Variants in EXTL3 observed in about 807,000 individuals in gnomAD.
EXTL3 encodes the protein exostosin-like 3.
In EXTL3, 27 loss-of-function variants were observed where a neutral mutation model predicts 69.3. The ratio of observed to expected loss-of-function variants is 0.39; its 90% CI spans 0.29 to 0.54. The LOEUF is 0.54. Ranked by LOEUF, EXTL3 falls within the 20% of genes least tolerant of loss-of-function variation. The probability of loss-of-function intolerance (pLI) is 0.69; values close to 1 mark genes in which losing one functional copy is unlikely to be tolerated. For missense variants in EXTL3, 1,003 were observed against 1,231.8 expected (o/e 0.81, Z 2.78); for synonymous variants, 511 against 499.4 (o/e 1.02, Z -0.31).
At position 28,748,328 on chromosome 8, in the gene EXTL3, C is replaced by T. The variant is rs184329629; in HGVS notation, c.2551-2329C>T. The stretch of plus-strand genomic sequence containing the variant: ...GGAGTTCGTAGTGAGCCGAGATCAC[C>T]GCACTGCACTCCAGCCTGGGAGACA... On this transcript the variant is annotated intron_variant, in intron 6 of 6. Transcript: ENST00000220562. Among the ~76,000 whole-genome samples, 114 of 150,958 alleles carry T rather than the reference C, an allele frequency of 7.6e-4. 1 individual carries two copies. The highest frequency in any genetic ancestry group is 2.4e-3 in the African/African-American group (97 of 41,090).
At chr8:28,619,500 C>CTA (rs1806378494), upstream of EXTL3, among the ~76,000 whole-genome samples, 1 of 152,028 alleles carries the variant, frequency 6.6e-6, no homozygotes, top group African/African-American at 2.4e-5. Flanking sequence ...ACCCCTGCTG[C>CTA]TCCTCCCTGG....
upstream of EXTL3, among the ~76,000 whole-genome samples, chr8:28,621,061 G>T (rs946119008): frequency 1.3e-5 from 2 of 152,124 alleles, no homozygotes; most frequent in Non-Finnish European, 2.9e-5. Context: ...TGTTAATTAT[G>T]ATTGTTTTTG....
At chr8:28,722,877 C>CT (rs1206699052) in intron 3 of EXTL3, among the ~76,000 whole-genome samples, 2 of 150,458 alleles carry the variant, frequency 1.3e-5, no homozygotes, top group Non-Finnish European at 3.0e-5. Context: ...AGGGAGAGTT[C>CT]TTTTTTTGGG....
rs867455954 is a variant in EXTL3 at position 28,649,042 on chromosome 8, G to A, written c.-53+26232G>A. ...TGAGTAGCTGGGATTACAGATGCCCGCCACCGCTCCCAGCTAAGGTTTTTT... is the reference window on the plus strand; with the variant it reads ...TGAGTAGCTGGGATTACAGATGCCCACCACCGCTCCCAGCTAAGGTTTTTT... On this transcript the variant is annotated intron_variant, in intron 1 of 6. Transcript: ENST00000523149. 3.9e-5 allele frequency among the ~76,000 whole-genome samples: 6 copies of A among 151,960 alleles called. 1 individual carries two copies. The highest frequency in any genetic ancestry group is 8.8e-5 in the Non-Finnish European group (6 of 67,990).
At chr8:28,643,859 C>A (rs78229383) in intron 1 of EXTL3, among the ~76,000 whole-genome samples, 1 of 152,068 alleles carries the variant, frequency 6.6e-6, no homozygotes, top group Non-Finnish European at 1.5e-5. Flanking sequence ...TCAACCTCTC[C>A]GGCTTAAGTG....
chr8:28,697,366 A>T (rs1285481842), upstream of EXTL3: 5 of 152,218 alleles, frequency 3.3e-5, no homozygotes, highest in Non-Finnish European at 5.9e-5. Flanking sequence ...AAGCTGGGCC[A>T]ATAATGTCTC....
At chr8:28,648,568 AATAAG>A (rs1158577545) in intron 1 of EXTL3, among the ~76,000 whole-genome samples, 4 of 152,282 alleles carry the variant, frequency 2.6e-5, no homozygotes, top group African/African-American at 9.6e-5. Context: ...TTTCTTAAAT[AATAAG>A]AGAAAAAGTC....
chr8:28,630,711 A>G (rs1243370107), intron 1 of EXTL3, among the ~76,000 whole-genome samples: 2 of 152,230 alleles, frequency 1.3e-5, no homozygotes, highest in African/African-American at 4.8e-5. Context: ...CTGTGTTAGG[A>G]GCAGAACAGG....
chr8:28,654,736 G>A (rs1806978766), intron 1 of EXTL3, among the ~76,000 whole-genome samples: 1 of 152,132 alleles, frequency 6.6e-6, no homozygotes, highest in Non-Finnish European at 1.5e-5. Flanking sequence ...CACTTTAGAT[G>A]TTTGACTTTC....
At chr8:28,635,715 C>CCACACACACACACACA (rs146671194) in intron 1 of EXTL3, among the ~76,000 whole-genome samples, 14,674 of 142,498 alleles carry the variant, frequency 0.1, 968 homozygotes, top group Non-Finnish European at 0.15. Context: ...CCCCACAACT[C>CCACACACACACACACA]CACACACACA....
chr8:28,625,110 TAACTC>T (rs888413636), intron 1 of EXTL3, among the ~76,000 whole-genome samples: 1 of 152,190 alleles, frequency 6.6e-6, no homozygotes, highest in Non-Finnish European at 1.5e-5. Context: ...TTAGAGGAGT[TAACTC>T]AAACAGGTGA....
In EXTL3 at chr8:28,715,878, C is replaced by G. The variant is rs1273363110; in HGVS notation, c.-182C>G. On this transcript the variant is annotated 5_prime_UTR_variant, in exon 3 of 7. Coordinates refer to ENST00000220562, the MANE Select transcript of EXTL3 (RefSeq NM_001440.4). ...AACTTAAAATCTGCTGGAATAGGGT[C>G]AGAGACCATTTCAGCTGCAGCTGAG... 1.6e-6 allele frequency: 1 copy of G among 607,026 alleles called. No homozygotes were observed. Among genetic ancestry groups the G allele is most frequent in the Non-Finnish European group, 2.9e-6 (1 of 343,562 alleles). The allele number at this position is 607,026 out of a possible 1,614,324, so 37.6% of individuals were successfully genotyped here.
intron 2 of EXTL3, among the ~76,000 whole-genome samples, chr8:28,613,859 TA>T (rs1179671070): frequency 6.6e-6 from 1 of 151,898 alleles, no homozygotes; most frequent in Non-Finnish European, 1.5e-5. Flanking sequence ...TTTTTTTTTT[TA>T]GAGACAGGGT....
chr8:28,685,195 C>A (rs902682398), intron 1 of EXTL3, among the ~76,000 whole-genome samples: 1 of 152,144 alleles, frequency 6.6e-6, no homozygotes, highest in African/African-American at 2.4e-5. Context: ...CGTGATCCAC[C>A]CACCTCGGCC....
chr8:28,737,537 G>A lies in EXTL3; in HGVS notation c.2295G>A (p.Arg765=). The A allele has an allele frequency of 1.9e-6, 3 of 1,613,964 alleles. No homozygotes were observed. Among genetic ancestry groups the A allele is most frequent in the Non-Finnish European group, 1.7e-6 (2 of 1,179,874 alleles). ...TTTCAAGGGTGTGGAGAGAAGCTCG[G>A]GACCGCATCGTGGGCTTCCCTGGCC... is the stretch of plus-strand genomic sequence containing the variant. ...MFGFRVWREA[R]DRIVGFPGRY... The change falls in exon 5 of 7, where the codon CGG becomes CGA. Residue 765 remains arginine, a synonymous_variant. Coordinates refer to ENST00000220562, the MANE Select transcript of EXTL3 (RefSeq NM_001440.4).
At position 28,743,112 on chromosome 8, in the gene EXTL3, G is replaced by A. The variant is rs531707737; in HGVS notation, c.2448G>A (p.Val816=). The change falls in exon 6 of 7, where the codon GTG becomes GTA. Residue 816 remains valine, a synonymous_variant. Coordinates refer to ENST00000220562, the MANE Select transcript of EXTL3 (RefSeq NM_001440.4). ...ATTATGCCTACCTGTATTCTTATGTGATGCCCCAGGCCATCCGGGACATGG... is the reference window on the plus strand; with the variant it reads ...ATTATGCCTACCTGTATTCTTATGTAATGCCCCAGGCCATCCGGGACATGG... The part of the protein sequence containing the change: ...HKYYAYLYSY[V]MPQAIRDMVD... 3.1e-6 allele frequency: 5 copies of A among 1,614,138 alleles called. No homozygotes were observed. The highest frequency in any genetic ancestry group is 4.2e-6 in the Non-Finnish European group (5 of 1,179,974).
intron 1 of EXTL3, among the ~76,000 whole-genome samples, chr8:28,684,024 G>T (rs1323910394): frequency 2.0e-5 from 3 of 152,066 alleles, no homozygotes; most frequent in South Asian, 2.1e-4. Flanking sequence ...ACGTGAGACC[G>T]TGAAGTTTGT....
In EXTL3 at chr8:28,716,601, A is replaced by G. The variant is rs773992427; in HGVS notation, c.542A>G (p.Asn181Ser). 7.4e-6 allele frequency: 12 copies of G among 1,613,948 alleles called. No individual in the cohort carries two copies. Among genetic ancestry groups the G allele is most frequent in the South Asian group, 3.3e-5 (3 of 91,084 alleles). Residue 181 changes from asparagine (N) to serine (S), a missense_variant, in exon 3 of 7, where the codon AAC (asparagine) becomes AGC (serine). Around this residue, in one of 2 missense-constraint regions of EXTL3, gnomAD observed 742 missense variants for 815.4 expected, o/e 0.91. Transcript: ENST00000220562. This position sits in a 1 kb window ranked among gnomAD's most constrained non-coding sequence, Gnocchi z 7.1. ...GCCACTCGGGGCTGCCGGCTACACA[A>G]CTGCTTTGATTATTCTCGTTGCCCT... ...PKATRGCRLH[N>S]CFDYSRCPLT...
At chr8:28,672,601 A>G (rs1807314712) in intron 1 of EXTL3, among the ~76,000 whole-genome samples, 6 of 152,106 alleles carry the variant, frequency 3.9e-5, no homozygotes, top group Admixed American at 3.9e-4. Context: ...GCACTAGGAA[A>G]TCTCAGGTCC....
Sources: gnomAD v4.1 joint callset for allele counts (sites outside exome capture counted in the v4.1 genomes callset) on GRCh38, gnomAD v4.1.1 for gene constraint, gnomAD v4.1.1 regional missense constraint, Gnocchi (gnomAD v3.1) non-coding constraint, MANE v1.5 for transcripts, NCBI Gene and HGNC (gene_info 2026-07-23, HGNC 2026-07-21) for gene names.